Variants in GLIS3 observed in about 807,000 individuals in gnomAD.
The protein encoded by GLIS3 is GLIS family zinc finger 3.
In GLIS3, 53 loss-of-function variants were observed where a neutral mutation model predicts 78.6. The observed-to-expected ratio is 0.67, with a 90% CI of 0.54 to 0.85. The LOEUF is 0.85. Ranked by LOEUF, GLIS3 falls within the 40% of genes least tolerant of loss-of-function variation. GLIS3 has a pLI of 0.00. For missense variants in GLIS3, 1,703 were observed against 1,231.1 expected (o/e 1.38, Z -5.74); for synonymous variants, 684 against 509.9 (o/e 1.34, Z -4.60).
rs1321295447 is a variant in GLIS3, at chr9:3,951,006, C to T, written c.1711-13817G>A. ...ATGAGACAAACTTACAGAACAGACCCTCAGGTCTGGAGACCAAAAAAATGT... is the reference window on the plus strand; with the variant it reads ...ATGAGACAAACTTACAGAACAGACCTTCAGGTCTGGAGACCAAAAAAATGT... On this transcript the variant is annotated intron_variant, in intron 4 of 10. Transcript: ENST00000381971. Among the ~76,000 whole-genome samples, 3 of 152,174 alleles carry T rather than the reference C, an allele frequency of 2.0e-5. No individual in the cohort carries two copies. The South Asian group carries it at 6.2e-4, about 31-fold the overall frequency.
intron 9 of GLIS3, among the ~76,000 whole-genome samples, chr9:3,839,434 A>G (rs1818579708): frequency 6.6e-6 from 1 of 152,148 alleles, no homozygotes; most frequent in Non-Finnish European, 1.5e-5. Flanking sequence ...GGTTAGTGTT[A>G]TACCAACCAC....
At position 4,286,362 on chromosome 9, in the gene GLIS3, T is replaced by A. The variant is rs777144853; in HGVS notation, c.64A>T (p.Met22Leu). The A allele has an allele frequency of 6.2e-7, 1 of 1,614,124 alleles. No homozygotes were observed. The highest frequency in any genetic ancestry group is 8.5e-7 in the Non-Finnish European group (1 of 1,180,006). ...GCAGGAATGTGATGACCACTGACCA[T>A]CCTAGGCCCCTGTGGGGTTCCCGAT... ...RTSGTPQGPR[M>L]VSGHHIPAIR... Residue 22 changes from methionine to leucine, a missense_variant, in exon 2 of 11, where the codon ATG (methionine) becomes TTG (leucine). Transcript: ENST00000381971.
At chr9:4,318,273 A>T (rs977080429) in intron 2 of GLIS3, among the ~76,000 whole-genome samples, 3 of 152,186 alleles carry the variant, frequency 2.0e-5, no homozygotes, top group East Asian at 1.9e-4. Flanking sequence ...ACAAATTTAA[A>T]GAAATGTATA....
At chr9:4,337,450 G>A (rs1422616507) in intron 2 of GLIS3, among the ~76,000 whole-genome samples, 1 of 152,154 alleles carries the variant, frequency 6.6e-6, no homozygotes, top group East Asian at 1.9e-4. Context: ...CGTACGGACA[G>A]TATTTTCATA....
chr9:4,067,153 C>G (rs1223690934), intron 4 of GLIS3, among the ~76,000 whole-genome samples: 8 of 128,882 alleles, frequency 6.2e-5, no homozygotes, highest in African/African-American at 1.9e-4. Context: ...GACTTAGAAT[C>G]TTCTTTTATT....
At chr9:4,055,354 C>T (rs573026296) in intron 4 of GLIS3, among the ~76,000 whole-genome samples, 25 of 152,210 alleles carry the variant, frequency 1.6e-4, no homozygotes, top group Non-Finnish European at 3.5e-4. Flanking sequence ...CCGTCCATCC[C>T]TGTTCCTGAT....
chr9:4,472,039 A>T, the GLIS3 span, among the ~76,000 whole-genome samples: 2 of 152,380 alleles, frequency 1.3e-5, no homozygotes, highest in African/African-American at 4.8e-5. Context: ...GAGAAATGCA[A>T]ATCAAAACCA....
intron 2 of GLIS3, among the ~76,000 whole-genome samples, chr9:4,278,691 G>C (rs79059132): frequency 0.077 from 11,719 of 152,256 alleles, 530 homozygotes; most frequent in African/African-American, 0.14. Context: ...AACTGATTCT[G>C]ACAAGTATCA....
chr9:3,988,979 C>G (rs1055533401), intron 4 of GLIS3, among the ~76,000 whole-genome samples: 2 of 152,030 alleles, frequency 1.3e-5, no homozygotes, highest in South Asian at 4.1e-4. Context: ...TACAGAGAGA[C>G]TGGGGAAAAC....
intron 4 of GLIS3, among the ~76,000 whole-genome samples, chr9:4,010,952 T>C (rs1042149847): frequency 1.3e-5 from 2 of 152,184 alleles, no homozygotes; most frequent in Non-Finnish European, 2.9e-5. Context: ...TGGATGTACT[T>C]AGAGTAGAAC....
chr9:4,135,323 A>T (rs1188062575), intron 2 of GLIS3, among the ~76,000 whole-genome samples: 1 of 152,182 alleles, frequency 6.6e-6, no homozygotes, highest in African/African-American at 2.4e-5. Flanking sequence ...TCCACCCCCG[A>T]CATCTATCAT....
chr9:3,902,629 C>A (rs971217092), intron 6 of GLIS3, among the ~76,000 whole-genome samples: 13 of 152,110 alleles, frequency 8.5e-5, no homozygotes, highest in Non-Finnish European at 1.5e-4. Flanking sequence ...ACCTGCAGCG[C>A]CCCACCCCAG....
intron 8 of GLIS3, among the ~76,000 whole-genome samples, chr9:3,871,161 T>C (rs1309738827): frequency 6.6e-6 from 1 of 152,224 alleles, no homozygotes; most frequent in Non-Finnish European, 1.5e-5. Flanking sequence ...CAGGTCACAC[T>C]GATGCAAGAG....
chr9:4,191,991 A>G (rs1287759442), intron 2 of GLIS3, among the ~76,000 whole-genome samples: 1 of 152,158 alleles, frequency 6.6e-6, no homozygotes, highest in Non-Finnish European at 1.5e-5. Context: ...AGGTCTCTAA[A>G]ATGTGTCTAT....
At chr9:4,162,664 G>A (rs562306845) in intron 2 of GLIS3, among the ~76,000 whole-genome samples, 5 of 151,944 alleles carry the variant, frequency 3.3e-5, no homozygotes, top group African/African-American at 4.8e-5. Flanking sequence ...AGACCATCCT[G>A]GCTAACACGG....
At chr9:4,068,298 G>A (rs7021650) in intron 4 of GLIS3, among the ~76,000 whole-genome samples, 104,587 of 151,854 alleles carry the variant, frequency 0.69, 36,370 homozygotes, top group East Asian at 0.96. Context: ...TATAGAAAAG[G>A]TGCCACATTT....
At chr9:4,350,154 C>G (rs961872457), upstream of GLIS3, among the ~76,000 whole-genome samples, 2 of 152,150 alleles carry the variant, frequency 1.3e-5, no homozygotes, top group South Asian at 2.1e-4. Flanking sequence ...CAGAGAAGAC[C>G]GAGAGCTATC....
Position 4,143,558 on chromosome 9 carries a change from CTG to C in GLIS3, c.389-17619_389-17618del, listed in dbSNP as rs1357503368. On this transcript the variant is annotated intron_variant, in intron 2 of 10. Coordinates refer to ENST00000381971, the MANE Select transcript of GLIS3 (RefSeq NM_001042413.2). ...CTCCAGCCTGGGCGACAGAGCAAGACTGTCTCAAAAAAAAAAATAAAAACAAA... is the reference window on the plus strand; with the variant it reads ...CTCCAGCCTGGGCGACAGAGCAAGACTCTCAAAAAAAAAAATAAAAACAAA... Among the ~76,000 whole-genome samples the C allele has an allele frequency of 2.3e-5, 3 of 131,722 alleles. No homozygotes were observed. The East Asian group carries it at 6.3e-4, about 28-fold the overall frequency. The allele number at this position is 131,722 out of a possible 152,430, so 86.4% of individuals were successfully genotyped here.
intron 4 of GLIS3, among the ~76,000 whole-genome samples, chr9:4,050,313 T>C (rs994428026): frequency 2.0e-5 from 3 of 152,178 alleles, no homozygotes; most frequent in African/African-American, 7.2e-5. Flanking sequence ...TGGATGAAGC[T>C]GGAAACCATT....
Sources: allele counts gnomAD v4.1 joint callset (sites outside exome capture counted in the v4.1 genomes callset), GRCh38; gene constraint gnomAD v4.1.1; transcripts MANE v1.5; gene names NCBI Gene and HGNC (gene_info 2026-07-23, HGNC 2026-07-21).